The following IRGM variants were observed in gnomAD, a reference collection of about 807,000 sequenced individuals.
The protein encoded by IRGM is immunity related GTPase M.
For synonymous variants in IRGM, 98 were observed against 80.6 expected, an observed-to-expected ratio of 1.22 and a Z score of -1.16; for missense variants, 288 against 219.9, an observed-to-expected ratio of 1.31 and a Z score of -1.96.
intron 1 of IRGM, chr5:150,877,923 G>T: frequency 5.8e-5 from 25 of 431,766 alleles, no homozygotes; most frequent in Admixed American, 3.6e-4. Context: ...ATACTTTTTT[G>T]TTTGCATGTT....
In IRGM at chr5:150,856,033, C is replaced by A. The variant is rs143952100; in HGVS notation, c.158+7379C>A. Among the ~76,000 whole-genome samples, 949 of 151,200 alleles carry A rather than the reference C, an allele frequency of 6.3e-3. 7 individuals are homozygous for A. The highest frequency in any genetic ancestry group is 0.021 in the African/African-American group (865 of 40,614). Reference sequence around the variant, plus strand: ...AAAATTATAACAATAAATTATAAATCTCTAACAGCATTGACTATCATGGGG... The same window carrying A: ...AAAATTATAACAATAAATTATAAATATCTAACAGCATTGACTATCATGGGG... On this transcript the variant is annotated intron_variant and NMD_transcript_variant, in intron 1 of 3. Transcript: ENST00000520549.
chr5:150,886,935 T>C (rs1754534059), intron 3 of IRGM, among the ~76,000 whole-genome samples: 1 of 152,000 alleles, frequency 6.6e-6, no homozygotes, highest in Non-Finnish European at 1.5e-5. Context: ...TTATTTCTTG[T>C]CTTTTGATAG....
downstream of IRGM, among the ~76,000 whole-genome samples, chr5:150,852,967 GTTATT>G (rs926905562): frequency 6.6e-6 from 1 of 151,888 alleles, no homozygotes; most frequent in African/African-American, 2.4e-5. Flanking sequence ...CATATCTTTT[GTTATT>G]TTATTTTTTC....
intron 3 of IRGM, among the ~76,000 whole-genome samples, chr5:150,892,200 T>C (rs568380544): frequency 4.2e-5 from 6 of 143,610 alleles, no homozygotes; most frequent in African/African-American, 1.7e-4. Context: ...CATTAAGTGT[T>C]TTTATGGAGT....
chr5:150,887,932 C>A (rs1187526179), intron 3 of IRGM, among the ~76,000 whole-genome samples: 1 of 151,874 alleles, frequency 6.6e-6, no homozygotes, highest in Non-Finnish European at 1.5e-5. Context: ...GCTAAGAGCA[C>A]AATGACACAC....
At chr5:150,850,377 T>C (rs1346275324), downstream of IRGM, among the ~76,000 whole-genome samples, 1 of 152,176 alleles carries the variant, frequency 6.6e-6, no homozygotes, top group African/African-American at 2.4e-5. Context: ...TATAGAACAA[T>C]TACCAACATG....
intron 1 of IRGM, among the ~76,000 whole-genome samples, chr5:150,854,336 G>A (rs1257012334): frequency 6.6e-6 from 1 of 152,034 alleles, no homozygotes; most frequent in South Asian, 2.1e-4. Flanking sequence ...ATAAAGTGTA[G>A]TTACAAGCCA....
At chr5:150,872,663 T>G (rs563928256) in intron 1 of IRGM, among the ~76,000 whole-genome samples, 11 of 152,262 alleles carry the variant, frequency 7.2e-5, no homozygotes, top group Non-Finnish European at 1.2e-4. Flanking sequence ...ACACAGGGAT[T>G]ATGCATTTAA....
intron 1 of IRGM, among the ~76,000 whole-genome samples, chr5:150,860,767 A>C (rs1754124445): frequency 6.6e-6 from 1 of 152,202 alleles, no homozygotes; most frequent in African/African-American, 2.4e-5. Context: ...ACACAGACAC[A>C]GCTACTAGGC....
chr5:150,857,932 A>C (rs1001826275), intron 1 of IRGM, among the ~76,000 whole-genome samples: 1 of 151,516 alleles, frequency 6.6e-6, no homozygotes, highest in Non-Finnish European at 1.5e-5. Context: ...TAGTTTAATT[A>C]GATCCCATTT....
chr5:150,900,516 G>A (rs577417802), intron 3 of IRGM: 1 of 152,176 alleles, frequency 6.6e-6, no homozygotes, highest in Non-Finnish European at 1.5e-5. Context: ...ATGTGTTAAT[G>A]TTAGTTTCTA....
chr5:150,869,020 G>C (rs1174849808), intron 1 of IRGM, among the ~76,000 whole-genome samples: 1 of 152,082 alleles, frequency 6.6e-6, no homozygotes, highest in Non-Finnish European at 1.5e-5. Context: ...CCAGTACTAT[G>C]TTTAATAGAA....
chr5:150,894,817 A>G (rs1581657149), intron 3 of IRGM: 1 of 152,308 alleles, frequency 6.6e-6, no homozygotes, highest in African/African-American at 2.4e-5. Context: ...CCAGTTGGGA[A>G]GAGTAAAAGG....
rs1753897519 is a variant in IRGM, at chr5:150,847,860, T to C, written c.-264T>C. ...GCTCTGTTGCCAGGCTGGAGTGCAA[T>C]GGCGTGATCTCAGCTCACTGCAATA... is the stretch of plus-strand genomic sequence containing the variant. On this transcript the variant is annotated 5_prime_UTR_variant, in exon 2 of 2. An upstream start codon of the reference 5' UTR is lost. Transcript: ENST00000522154. 2.4e-6 allele frequency: 1 copy of C among 409,856 alleles called. No individual in the cohort carries two copies. Among genetic ancestry groups the C allele is most frequent in the Admixed American group, 4.1e-5 (1 of 24,260 alleles). 25.4% of individuals were successfully genotyped at this position (409,856 alleles called of 1,614,324 possible). A position where few individuals can be genotyped will look rare whatever the true frequency, so the allele number is the denominator to read the frequency against.
At chr5:150,863,118 C>A (rs1754159709) in intron 1 of IRGM, among the ~76,000 whole-genome samples, 1 of 152,106 alleles carries the variant, frequency 6.6e-6, no homozygotes, top group Non-Finnish European at 1.5e-5. Flanking sequence ...TAGGGTTGCA[C>A]TAATTTAGGG....
intron 1 of IRGM, 76 bp downstream of exon 1, chr5:150,847,296 C>T (rs1339400140): frequency 6.6e-6 from 1 of 152,376 alleles, no homozygotes; most frequent in African/African-American, 2.4e-5. Flanking sequence ...CTGGCGCCAT[C>T]TTCAGCAGAG....
intron 3 of IRGM, chr5:150,898,431 T>C (rs766497783): frequency 1.8e-5 from 29 of 1,613,254 alleles, no homozygotes; most frequent in Admixed American, 1.3e-4. Flanking sequence ...TCCTTACCCA[T>C]TGAGACCAGG....
chr5:150,880,461 A>G (rs1339367908), intron 3 of IRGM, among the ~76,000 whole-genome samples: 1 of 152,210 alleles, frequency 6.6e-6, no homozygotes, highest in Non-Finnish European at 1.5e-5. Context: ...TATCCTTTAT[A>G]CAGACACTAA....
chr5:150,891,434 A>G (rs1489785239), intron 3 of IRGM, among the ~76,000 whole-genome samples: 1 of 152,056 alleles, frequency 6.6e-6, no homozygotes, highest in East Asian at 1.9e-4. Flanking sequence ...ATCTGAGTAT[A>G]TCATTAGATT....
Sources: allele counts gnomAD v4.1 joint callset (sites outside exome capture counted in the v4.1 genomes callset), GRCh38; gene constraint gnomAD v4.1.1; transcripts MANE v1.5; gene names NCBI Gene and HGNC (gene_info 2026-07-23, HGNC 2026-07-21).